The following TBC1D12 variants were observed in gnomAD, a reference collection of about 807,000 sequenced individuals.
TBC1D12 encodes TBC1 domain family, member 12.
Under a neutral mutation model 86.7 loss-of-function variants are expected in TBC1D12, and 56 were observed. The observed-to-expected ratio is 0.65, with a 90% CI of 0.52 to 0.81. TBC1D12 has a LOEUF of 0.81. Among genes scored for constraint, TBC1D12 ranks in the 30% least tolerant of loss-of-function variants. The probability of loss-of-function intolerance (pLI) is 0.00; values close to 1 mark genes in which losing one functional copy is unlikely to be tolerated. For missense variants in TBC1D12, 1,023 were observed against 1,038.8 expected (o/e 0.98, Z 0.21); for synonymous variants, 421 against 411.7 (o/e 1.02, Z -0.27).
At chr10:94,417,869 C>T (rs889415795) in intron 1 of TBC1D12, among the ~76,000 whole-genome samples, 2 of 120,654 alleles carry the variant, frequency 1.7e-5, no homozygotes, top group African/African-American at 6.2e-5. Context: ...CTGCCTCACG[C>T]CTCCCGAGTA....
At chr10:94,486,259 C>A (rs113936091) in intron 3 of TBC1D12, among the ~76,000 whole-genome samples, 1 of 151,468 alleles carries the variant, frequency 6.6e-6, no homozygotes, top group Non-Finnish European at 1.5e-5. Context: ...GCCATCTTCC[C>A]ACCTCAGCCT....
At chr10:94,511,783 T>C (rs1372686688) in intron 9 of TBC1D12, 129 bp downstream of exon 9, 2 of 693,750 alleles carry the variant, frequency 2.9e-6, no homozygotes, top group Admixed American at 5.2e-5. Context: ...GCTTATCAAT[T>C]TACCCAGTGA....
chr10:94,500,377 A>G, intron 6 of TBC1D12, 50 bp downstream of exon 6: 1 of 1,488,040 alleles, frequency 6.7e-7, no homozygotes, highest in Non-Finnish European at 9.3e-7. Flanking sequence ...AGCCATCTAC[A>G]GAGTTACATA....
intron 2 of TBC1D12, among the ~76,000 whole-genome samples, chr10:94,455,537 G>T (rs1198355263): frequency 6.6e-6 from 1 of 152,170 alleles, no homozygotes; most frequent in Non-Finnish European, 1.5e-5. Context: ...TGTTTTGGAA[G>T]ATTATTAATT....
intron 2 of TBC1D12, among the ~76,000 whole-genome samples, chr10:94,446,540 T>C (rs552500392): frequency 7.1e-4 from 107 of 150,994 alleles, no homozygotes; most frequent in Non-Finnish European, 1.2e-3. Flanking sequence ...TGTTGATTCT[T>C]TTAAAACATT....
intron 11 of TBC1D12, among the ~76,000 whole-genome samples, chr10:94,524,797 T>G (rs573503502): frequency 6.6e-6 from 1 of 152,186 alleles, no homozygotes; most frequent in South Asian, 2.1e-4. Flanking sequence ...GAAATTTTGT[T>G]TTTTATTTTT....
chr10:94,438,339 T>C (rs1337605778), intron 1 of TBC1D12, among the ~76,000 whole-genome samples: 1 of 152,164 alleles, frequency 6.6e-6, no homozygotes, highest in South Asian at 2.1e-4. Flanking sequence ...TCTCTGTGGC[T>C]AGCTGGTGAC....
At chr10:94,463,478 A>T (rs1015218739) in intron 2 of TBC1D12, among the ~76,000 whole-genome samples, 4 of 152,164 alleles carry the variant, frequency 2.6e-5, no homozygotes, top group African/African-American at 9.7e-5. Context: ...CACTCTCATG[A>T]TAATATGTTA....
In TBC1D12 at chr10:94,491,153, A is replaced by G. The variant is rs915426439; in HGVS notation, c.1212-2212A>G. Among the ~76,000 whole-genome samples the G allele has an allele frequency of 7.9e-5, 12 of 152,146 alleles. No homozygotes were observed. In the East Asian group the frequency reaches 2.3e-3, roughly 29 times the overall value. On this transcript the variant is annotated intron_variant, in intron 3 of 12. Coordinates refer to ENST00000225235, the MANE Select transcript of TBC1D12 (RefSeq NM_015188.2). ...GCCCAGTGTCTGTTGTCTGGAAACT[A>G]TAGTTTAATATATTTTGTCCATTTT...
At position 94,483,246 on chromosome 10, in the gene TBC1D12, G is replaced by T. The variant is rs188784640; in HGVS notation, c.1211+8463G>T. ...ATGGGAGTGCAGATATTTCTTTGAT[G>T]TTCTGATTGCCTTTCTTTTGGGTAT... On this transcript the variant is annotated intron_variant, in intron 3 of 12. Coordinates refer to ENST00000225235, the MANE Select transcript of TBC1D12 (RefSeq NM_015188.2). Among the ~76,000 whole-genome samples the T allele has an allele frequency of 3.3e-5, 5 of 152,168 alleles. No homozygotes were observed. In the East Asian group the frequency reaches 9.7e-4, roughly 29 times the overall value.
At chr10:94,508,435 C>CTT (rs879589905) in intron 7 of TBC1D12, 1 of 151,800 alleles carries the variant, frequency 6.6e-6, no homozygotes, top group Non-Finnish European at 1.5e-5. Flanking sequence ...CTGGCCAATT[C>CTT]TTTTTCTCTC....
chr10:94,446,638 T>A (rs1163647649), intron 2 of TBC1D12, among the ~76,000 whole-genome samples: 1 of 152,106 alleles, frequency 6.6e-6, no homozygotes, highest in Non-Finnish European at 1.5e-5. Flanking sequence ...AATCTTCCCG[T>A]CTTAGCCTCC....
intron 6 of TBC1D12, among the ~76,000 whole-genome samples, chr10:94,504,627 T>C (rs2056438460): frequency 5.3e-5 from 8 of 152,194 alleles, no homozygotes; most frequent in Admixed American, 5.2e-4. Flanking sequence ...CAGTCAAATA[T>C]GGTTCAAATC....
intron 9 of TBC1D12, among the ~76,000 whole-genome samples, chr10:94,517,452 A>G (rs1388026968): frequency 6.6e-6 from 1 of 152,216 alleles, no homozygotes; most frequent in African/African-American, 2.4e-5. Context: ...GGGGAAAATT[A>G]AAATACTGTT....
intron 1 of TBC1D12, among the ~76,000 whole-genome samples, chr10:94,433,521 CAATATT>C (rs1269400174): frequency 2.6e-5 from 4 of 152,136 alleles, no homozygotes; most frequent in Admixed American, 6.5e-5. Flanking sequence ...ATCTGATAGA[CAATATT>C]AATATGTGTA....
Position 94,534,694 on chromosome 10 carries a change from C to T in TBC1D12, c.*1598C>T, listed in dbSNP as rs763109550. ...ATTAAATTGACTTATGAATGCTTTG[C>T]CTGTGGGCCCAACAGTGTCATGACC... On this transcript the variant is annotated 3_prime_UTR_variant, in exon 13 of 13. Transcript: ENST00000225235. 3.3e-5 allele frequency: 5 copies of T among 152,122 alleles called. No individual in the cohort carries two copies. The highest frequency in any genetic ancestry group is 5.9e-5 in the Non-Finnish European group (4 of 68,028). The allele number at this position is 152,122 out of a possible 1,614,324, so 9.4% of individuals were successfully genotyped here.
chr10:94,469,799 A>G (rs1168625205), intron 2 of TBC1D12, among the ~76,000 whole-genome samples: 1 of 152,108 alleles, frequency 6.6e-6, no homozygotes, highest in Non-Finnish European at 1.5e-5. Context: ...TGTATCCCCA[A>G]AATTCTAGCC....
At chr10:94,421,541 G>C (rs780618812) in intron 1 of TBC1D12, among the ~76,000 whole-genome samples, 37 of 152,192 alleles carry the variant, frequency 2.4e-4, no homozygotes, top group Non-Finnish European at 4.7e-4. Flanking sequence ...AATTCTTTTG[G>C]ATATTATGCC....
intron 3 of TBC1D12, among the ~76,000 whole-genome samples, chr10:94,477,838 T>C (rs1035585913): frequency 1.3e-5 from 2 of 152,078 alleles, no homozygotes; most frequent in African/African-American, 4.8e-5. Flanking sequence ...AGGTGAGCAG[T>C]GGGGTCTAGA....
Sources: gnomAD v4.1 joint callset for allele counts (sites outside exome capture counted in the v4.1 genomes callset) on GRCh38, gnomAD v4.1.1 for gene constraint, MANE v1.5 for transcripts, NCBI Gene and HGNC (gene_info 2026-07-23, HGNC 2026-07-21) for gene names.